The following MALRD1 variants were observed in gnomAD, a reference collection of about 807,000 sequenced individuals.
The protein encoded by MALRD1 is MAM and LDL-receptor class A domain-containing protein 1.
Under a neutral mutation model 242.1 loss-of-function variants are expected in MALRD1, and 247 were observed. The ratio of observed to expected loss-of-function variants is 1.02; its 90% CI spans 0.92 to 1.13. MALRD1 has a LOEUF of 1.13. MALRD1 is among the 50% of genes most tolerant of loss of function. The pLI, the probability that MALRD1 is intolerant of heterozygous loss-of-function variation, is 0.00. For missense variants in MALRD1, 2,989 were observed against 2,533.1 expected (o/e 1.18, Z -3.86); for synonymous variants, 995 against 866.6 (o/e 1.15, Z -2.60).
rs558908751 is a variant in MALRD1 at position 19,594,045 on chromosome 10, C to G, written c.5681-1149C>G. On this transcript the variant is annotated intron_variant, in intron 33 of 39. Coordinates refer to ENST00000454679, the MANE Select transcript of MALRD1 (RefSeq NM_001142308.3). ...TCTGTGGCCCAACCCTGGCCAGGGT[C>G]TCAAGAGCCAGATTCCCTGGGTGGA... Among the ~76,000 whole-genome samples, 7 of 152,300 alleles carry G rather than the reference C, an allele frequency of 4.6e-5. No homozygotes were observed. The South Asian group carries it at 1.0e-3, about 23-fold the overall frequency.
intron 12 of MALRD1, among the ~76,000 whole-genome samples, chr10:19,157,316 A>G (rs1446424868): frequency 7.0e-6 from 1 of 141,992 alleles, no homozygotes. Context: ...TCTGTCGCCC[A>G]GGCTGGAGTG....
chr10:19,112,786 G>T (rs1836724319), intron 5 of MALRD1, among the ~76,000 whole-genome samples: 1 of 152,074 alleles, frequency 6.6e-6, no homozygotes, highest in South Asian at 2.1e-4. Flanking sequence ...TTTATGAGTG[G>T]AATAAGCAAA....
chr10:19,504,899 G>T (rs1024411595), intron 31 of MALRD1, among the ~76,000 whole-genome samples: 3 of 150,194 alleles, frequency 2.0e-5, no homozygotes. Context: ...AGCCAGGATG[G>T]TCTCGATCTC....
At chr10:19,136,165 G>A (rs1833327681) in intron 9 of MALRD1, among the ~76,000 whole-genome samples, 2 of 152,178 alleles carry the variant, frequency 1.3e-5, no homozygotes, top group African/African-American at 2.4e-5. Context: ...TGTTCTATAA[G>A]TAATGACAAC....
chr10:19,598,694 A>G (rs574819638), intron 34 of MALRD1, among the ~76,000 whole-genome samples: 1 of 152,112 alleles, frequency 6.6e-6, no homozygotes, highest in Non-Finnish European at 1.5e-5. Flanking sequence ...AGAGAGCTAA[A>G]ATAACATAAG....
chr10:19,639,330 AGGCAAGT>A (rs745586189), intron 36 of MALRD1, among the ~76,000 whole-genome samples: 12 of 152,212 alleles, frequency 7.9e-5, no homozygotes, highest in Non-Finnish European at 1.6e-4. Flanking sequence ...GATCTTGATT[AGGCAAGT>A]GGCTGAGATG....
intron 36 of MALRD1, among the ~76,000 whole-genome samples, chr10:19,679,890 CT>C (rs1345666991): frequency 2.0e-5 from 3 of 152,028 alleles, no homozygotes; most frequent in South Asian, 2.1e-4. Context: ...TCATTTCTAC[CT>C]TAATTTAATT....
intron 14 of MALRD1, among the ~76,000 whole-genome samples, chr10:19,184,392 G>A (rs901143065): frequency 6.6e-6 from 1 of 152,110 alleles, no homozygotes; most frequent in Admixed American, 6.5e-5. Context: ...TCCTGGACGG[G>A]TTATTTGATG....
intron 21 of MALRD1, among the ~76,000 whole-genome samples, chr10:19,304,589 T>G (rs1842090156): frequency 6.6e-6 from 1 of 151,774 alleles, no homozygotes. Context: ...CAAAACATTC[T>G]TCACATTTTT....
chr10:19,106,183 A>G (rs577261050), intron 5 of MALRD1, among the ~76,000 whole-genome samples: 1 of 151,930 alleles, frequency 6.6e-6, no homozygotes, highest in South Asian at 2.1e-4. Context: ...AGCTTCTAGT[A>G]TCTATCATTC....
chr10:19,443,385 C>T (rs1354703230), intron 28 of MALRD1, among the ~76,000 whole-genome samples: 2 of 152,072 alleles, frequency 1.3e-5, no homozygotes, highest in African/African-American at 4.8e-5. Context: ...TTTGCTCTTG[C>T]TTCTTTAGTT....
At chr10:19,260,621 A>G (rs940738922) in intron 19 of MALRD1, among the ~76,000 whole-genome samples, 2 of 152,016 alleles carry the variant, frequency 1.3e-5, no homozygotes, top group Admixed American at 1.3e-4. Flanking sequence ...TAGGGACAAT[A>G]TTATAACCGG....
intron 16 of MALRD1, among the ~76,000 whole-genome samples, 170 bp downstream of exon 16, chr10:19,204,583 T>G (rs1168855216): frequency 6.6e-6 from 1 of 152,150 alleles, no homozygotes; most frequent in East Asian, 1.9e-4. Flanking sequence ...GAGCGTGTTC[T>G]CAGTATATGT....
chr10:19,688,267 G>T (rs574219914), intron 36 of MALRD1, among the ~76,000 whole-genome samples: 15 of 150,226 alleles, frequency 1.0e-4, no homozygotes, highest in Non-Finnish European at 1.8e-4. Flanking sequence ...CACTGTGCCC[G>T]GCCTATTATT....
chr10:19,047,382 G>A (rs1184457265), upstream of MALRD1, among the ~76,000 whole-genome samples: 2 of 145,486 alleles, frequency 1.4e-5, no homozygotes, highest in African/African-American at 5.2e-5. Flanking sequence ...GTGTGTGTGT[G>A]TGTCTGCGTG....
chr10:19,652,198 C>T (rs1840930059), intron 36 of MALRD1, among the ~76,000 whole-genome samples: 1 of 152,170 alleles, frequency 6.6e-6, no homozygotes, highest in Non-Finnish European at 1.5e-5. Flanking sequence ...ACCAAAAAAG[C>T]AAGTGTCAGG....
intron 32 of MALRD1, among the ~76,000 whole-genome samples, chr10:19,567,150 G>A (rs1202592876): frequency 6.6e-6 from 1 of 152,016 alleles, no homozygotes; most frequent in African/African-American, 2.4e-5. Flanking sequence ...CTCTTTTTCT[G>A]CAGTCACACA....
chr10:19,088,575 TTATTTA>T (rs1564383652), intron 4 of MALRD1, among the ~76,000 whole-genome samples: 2 of 52,082 alleles, frequency 3.8e-5, no homozygotes, highest in African/African-American at 1.6e-4. Flanking sequence ...TTTTTTTTAT[TTATTTA>T]TTTATTTATT....
At chr10:19,554,667 G>A (rs76090923) in intron 32 of MALRD1, among the ~76,000 whole-genome samples, 2,722 of 152,154 alleles carry the variant, frequency 0.018, 37 homozygotes, top group East Asian at 0.045. Flanking sequence ...TCCTGTGTTA[G>A]CATGCTGAGG....
Sources: gnomAD v4.1 joint callset for allele counts (sites outside exome capture counted in the v4.1 genomes callset) on GRCh38, gnomAD v4.1.1 for gene constraint, MANE v1.5 for transcripts, NCBI Gene and HGNC (gene_info 2026-07-23, HGNC 2026-07-21) for gene names.